Variants in RHOH observed in about 807,000 individuals in gnomAD.
The protein encoded by RHOH is rho-related GTP-binding protein RhoH.
In RHOH, 6 loss-of-function variants were observed where a neutral mutation model predicts 13.8. The observed-to-expected ratio is 0.44, with a 90% confidence interval of 0.24 to 0.86. The LOEUF (loss-of-function observed/expected upper bound fraction) is 0.86. Ranked by LOEUF, RHOH falls within the 40% of genes least tolerant of loss-of-function variation. The pLI, the probability that RHOH is intolerant of heterozygous loss-of-function variation, is 0.24. For missense variants in RHOH, 147 were observed against 244.5 expected, an observed-to-expected ratio of 0.60 and a Z score of 2.66; for synonymous variants, 117 against 103.0, an observed-to-expected ratio of 1.14 and a Z score of -0.82.
intron 1 of RHOH, among the ~76,000 whole-genome samples, chr4:40,235,590 C>CAAAA (rs34336418): frequency 1.3e-5 from 1 of 74,794 alleles, no homozygotes; most frequent in Non-Finnish European, 2.3e-5. Flanking sequence ...AACTTCATCT[C>CAAAA]AAAAAAAAAA....
chr4:40,234,339 CTT>C (rs1299207088), intron 1 of RHOH, among the ~76,000 whole-genome samples: 3 of 152,160 alleles, frequency 2.0e-5, no homozygotes, highest in Admixed American at 2.0e-4. Context: ...TTCCCCATCA[CTT>C]TAGTTTTGAG....
chr4:40,238,975 T>A (rs1195938840), intron 1 of RHOH, among the ~76,000 whole-genome samples: 1 of 152,194 alleles, frequency 6.6e-6, no homozygotes, highest in Admixed American at 6.5e-5. Context: ...TGACCCATTC[T>A]GAAGATTATC....
At chr4:40,199,501 G>A (rs1723683497) in intron 1 of RHOH, among the ~76,000 whole-genome samples, 1 of 152,156 alleles carries the variant, frequency 6.6e-6, no homozygotes, top group Admixed American at 6.5e-5. Flanking sequence ...CTTGGAAACC[G>A]CTATTTTAAG....
chr4:40,199,899 TA>T (rs1189060789), intron 1 of RHOH, among the ~76,000 whole-genome samples: 11 of 152,272 alleles, frequency 7.2e-5, no homozygotes, highest in African/African-American at 2.4e-4. Context: ...AAGCCTCCTT[TA>T]AAAAAATGCA....
intron 1 of RHOH, among the ~76,000 whole-genome samples, chr4:40,235,811 C>T (rs557866320): frequency 1.6e-3 from 235 of 151,208 alleles, no homozygotes; most frequent in Non-Finnish European, 2.4e-3. Flanking sequence ...TTTGTTTATA[C>T]AAAAATAAAA....
chr4:40,198,273 G>T (rs1351378337), intron 1 of RHOH, among the ~76,000 whole-genome samples: 1 of 152,198 alleles, frequency 6.6e-6, no homozygotes, highest in Non-Finnish European at 1.5e-5. Flanking sequence ...ATTTCAGACT[G>T]GGAGGACCTT....
intron 1 of RHOH, among the ~76,000 whole-genome samples, chr4:40,221,687 A>G (rs1403571476): frequency 1.3e-5 from 2 of 152,140 alleles, no homozygotes; most frequent in African/African-American, 4.8e-5. Flanking sequence ...CTATTCTCTG[A>G]GACACAATGA....
chr4:40,235,163 G>T (rs1019446577), intron 1 of RHOH: 2 of 152,208 alleles, frequency 1.3e-5, no homozygotes, highest in African/African-American at 4.8e-5. Flanking sequence ...TTTTAAAAAT[G>T]CTTTTTATTG....
intron 1 of RHOH, among the ~76,000 whole-genome samples, chr4:40,237,454 CAAAAAAAAA>C (rs145980581): frequency 1.2e-4 from 16 of 136,462 alleles, no homozygotes; most frequent in African/African-American, 4.4e-4. Context: ...GACTCCGTCT[CAAAAAAAAA>C]AAAAAAAGAA....
intron 1 of RHOH, among the ~76,000 whole-genome samples, chr4:40,214,746 C>G (rs1560694736): frequency 6.6e-6 from 1 of 152,142 alleles, no homozygotes; most frequent in African/African-American, 2.4e-5. Context: ...AATGGACTTC[C>G]CCAGTTTTGA....
rs1729402477 is a variant in RHOH, at chr4:40,242,762, C to G, written c.-282C>G. 1 of 152,406 alleles carries G rather than the reference C, an allele frequency of 6.6e-6. No individual in the cohort carries two copies. Among genetic ancestry groups the G allele is most frequent in the African/African-American group, 2.4e-5 (1 of 41,578 alleles). The allele number at this position is 152,406 out of a possible 1,614,324, so 9.4% of individuals were successfully genotyped here. The stretch of plus-strand genomic sequence containing the variant: ...AGAAACTGAAGCCGTGGAGAACGCT[C>G]TCGGGGCCTTTGCCACTTCTTGGAG... On this transcript the variant is annotated 5_prime_UTR_variant, in exon 2 of 3. Coordinates refer to ENST00000381799, the MANE Select transcript of RHOH (RefSeq NM_004310.5).
chr4:40,223,654 A>G (rs2109466481), intron 1 of RHOH, among the ~76,000 whole-genome samples: 1 of 151,692 alleles, frequency 6.6e-6, no homozygotes, highest in East Asian at 1.9e-4. Context: ...TTTTATCTAG[A>G]CAGAGTCCCA....
In RHOH at chr4:40,223,465, G is replaced by GC. The variant is rs200796148; in HGVS notation, c.-330-19248dup. Among the ~76,000 whole-genome samples, 643 of 127,300 alleles carry GC rather than the reference G, an allele frequency of 5.1e-3. 14 individuals carry two copies. Among genetic ancestry groups the GC allele is most frequent in the East Asian group, 0.036 (168 of 4,716 alleles). 83.5% of individuals were successfully genotyped at this position (127,300 alleles called of 152,430 possible). A position where few individuals can be genotyped will look rare whatever the true frequency, so the allele number is the denominator to read the frequency against. On this transcript the variant is annotated intron_variant, in intron 1 of 2. Coordinates refer to ENST00000381799, the MANE Select transcript of RHOH (RefSeq NM_004310.5). ...TTGCTGAAGGCTCAGATGATTGTTAGCTTTTTTTTTTTTTTTTTTTTTTTA... is the reference window on the plus strand; with the variant it reads ...TTGCTGAAGGCTCAGATGATTGTTAGCCTTTTTTTTTTTTTTTTTTTTTTTA...
chr4:40,200,167 A>AG (rs529773127), intron 1 of RHOH, among the ~76,000 whole-genome samples: 1 of 152,148 alleles, frequency 6.6e-6, no homozygotes, highest in Non-Finnish European at 1.5e-5. Context: ...GGATGACCCC[A>AG]GGGGGGTGGA....
chr4:40,237,803 C>A, intron 1 of RHOH, among the ~76,000 whole-genome samples: 1 of 152,182 alleles, frequency 6.6e-6, no homozygotes, highest in African/African-American at 2.4e-5. Context: ...TAAAAAAAGA[C>A]AGCTGAGGAT....
At position 40,243,075 on chromosome 4, in the gene RHOH, T is replaced by C; in HGVS notation, c.-209-103T>C. The C allele has an allele frequency of 3.5e-6, 1 of 286,566 alleles. No homozygotes were observed. The highest frequency in any genetic ancestry group is 6.6e-6 in the Non-Finnish European group (1 of 151,552). 17.8% of individuals were successfully genotyped at this position (286,566 alleles called of 1,614,324 possible). A position where few individuals can be genotyped will look rare whatever the true frequency, so the allele number is the denominator to read the frequency against. On this transcript the variant is annotated intron_variant, in intron 2 of 2. Transcript: ENST00000381799. The surrounding 1 kb of genome is among the most constrained non-coding windows in gnomAD (Gnocchi z 6.2). ...GCGGGGTTGGATGGCTACACTGAGATTACCCCACATTTAATCAGTTTGCCA... is the reference window on the plus strand; with the variant it reads ...GCGGGGTTGGATGGCTACACTGAGACTACCCCACATTTAATCAGTTTGCCA...
At chr4:40,235,999 G>GA (rs55926531) in intron 1 of RHOH, among the ~76,000 whole-genome samples, 30 of 142,454 alleles carry the variant, frequency 2.1e-4, no homozygotes, top group African/African-American at 7.5e-4. Context: ...AAAAAAAAAA[G>GA]AAAAAAAAAA....
At chr4:40,202,977 T>C (rs2109364949) in intron 1 of RHOH, among the ~76,000 whole-genome samples, 1 of 152,236 alleles carries the variant, frequency 6.6e-6, no homozygotes, top group South Asian at 2.1e-4. Context: ...TTTTTTTAAA[T>C]TTTTTATTTT....
intron 1 of RHOH, among the ~76,000 whole-genome samples, chr4:40,230,807 T>G (rs1727837439): frequency 6.6e-6 from 1 of 152,054 alleles, no homozygotes; most frequent in African/African-American, 2.4e-5. Context: ...GAAACAGACC[T>G]TTAAAAGGGA....
Sources: allele counts gnomAD v4.1 joint callset (sites outside exome capture counted in the v4.1 genomes callset), GRCh38; gene constraint gnomAD v4.1.1; non-coding constraint Gnocchi (gnomAD v3.1); transcripts MANE v1.5; gene names NCBI Gene and HGNC (gene_info 2026-07-23, HGNC 2026-07-21).